VAT1L: variants seen among roughly 807,000 people sequenced by gnomAD.
VAT1L encodes the protein vesicle amine transport 1 like.
A neutral mutation model predicts 44.1 loss-of-function variants in VAT1L; 34 were observed. That is an observed-to-expected ratio of 0.77 (90% CI 0.59 to 1.03). The LOEUF is 1.03. Among genes scored for constraint, VAT1L ranks in the 50% least tolerant of loss-of-function variants. VAT1L has a pLI of 0.00. For synonymous variants in VAT1L, 253 were observed against 202.2 expected, an observed-to-expected ratio of 1.25 and a Z score of -2.13; for missense variants, 615 against 538.8, an observed-to-expected ratio of 1.14 and a Z score of -1.40.
At chr16:77,816,775 T>G (rs745722855) in intron 1 of VAT1L, 146 bp from the exon 2 acceptor site, 131 of 1,039,070 alleles carry the variant, frequency 1.3e-4, no homozygotes, top group Non-Finnish European at 1.6e-4. Flanking sequence ...TAGGGATACT[T>G]TGCCAAAAAG....
chr16:77,816,463 TTC>T (rs1432819887), intron 1 of VAT1L, among the ~76,000 whole-genome samples: 1 of 152,222 alleles, frequency 6.6e-6, no homozygotes, highest in Non-Finnish European at 1.5e-5. Flanking sequence ...TAGGTCTTCT[TTC>T]TCTTTCTCAG....
intron 2 of VAT1L, 69 bp from the exon 3 acceptor site, chr16:77,825,177 A>C: frequency 3.2e-6 from 5 of 1,563,870 alleles, no homozygotes; most frequent in Non-Finnish European, 4.4e-6. Context: ...AGCTCCCAGT[A>C]ATTCTGTTCT....
intron 3 of VAT1L, among the ~76,000 whole-genome samples, chr16:77,845,355 C>A (rs1431023275): frequency 6.6e-6 from 1 of 152,124 alleles, no homozygotes; most frequent in Non-Finnish European, 1.5e-5. Flanking sequence ...TGAGTGTGCT[C>A]TCCCCCTCTG....
At chr16:77,895,112 ACACACT>A (rs899939537) in intron 7 of VAT1L, among the ~76,000 whole-genome samples, 4 of 151,340 alleles carry the variant, frequency 2.6e-5, no homozygotes, top group Non-Finnish European at 4.4e-5. Context: ...ACACACACAC[ACACACT>A]CACACATTTC....
Position 77,879,590 on chromosome 16 carries a change from G to A in VAT1L, c.882+366G>A, listed in dbSNP as rs1412530891. Among the ~76,000 whole-genome samples the A allele has an allele frequency of 1.3e-5, 2 of 152,144 alleles. No individual in the cohort carries two copies. Among genetic ancestry groups the A allele is most frequent in the Admixed American group, 6.5e-5 (1 of 15,280 alleles). On this transcript the variant is annotated intron_variant, in intron 6 of 8. Coordinates refer to ENST00000302536, the MANE Select transcript of VAT1L (RefSeq NM_020927.3). This position sits in a 1 kb window ranked among gnomAD's most constrained non-coding sequence, Gnocchi z 4.1. ...CGTGAGCCACCGCACCCAGCTGTGA[G>A]CTCTTCTATCATAAGGCATTGACTT...
chr16:77,809,264 T>C (rs1007285571), intron 1 of VAT1L, among the ~76,000 whole-genome samples: 15 of 152,244 alleles, frequency 9.9e-5, no homozygotes, highest in Non-Finnish European at 1.9e-4. Context: ...CTCAACACCA[T>C]GCCTGATACA....
chr16:77,909,135 A>C (rs1435957595), intron 7 of VAT1L, among the ~76,000 whole-genome samples: 2 of 152,192 alleles, frequency 1.3e-5, no homozygotes, highest in Non-Finnish European at 2.9e-5. Context: ...TGAGAAGTAG[A>C]TGTTATTATT....
At chr16:77,847,489 A>G (rs2016769343) in intron 3 of VAT1L, among the ~76,000 whole-genome samples, 1 of 152,206 alleles carries the variant, frequency 6.6e-6, no homozygotes, top group African/African-American at 2.4e-5. Flanking sequence ...CCATGGGTGC[A>G]TTTCATTTTT....
At chr16:77,828,658 C>T (rs1464875241) in intron 3 of VAT1L, among the ~76,000 whole-genome samples, 5 of 150,856 alleles carry the variant, frequency 3.3e-5, no homozygotes, top group Non-Finnish European at 7.4e-5. Context: ...AGCAAAACTC[C>T]ATCTCAAAAA....
chr16:77,866,096 A>G (rs370616407), intron 4 of VAT1L, among the ~76,000 whole-genome samples: 2 of 152,210 alleles, frequency 1.3e-5, no homozygotes, highest in East Asian at 1.9e-4. Context: ...AGGAAGTTAC[A>G]GATACGTTTA....
At chr16:77,961,243 G>A (rs2018156694) in intron 7 of VAT1L, among the ~76,000 whole-genome samples, 1 of 152,046 alleles carries the variant, frequency 6.6e-6, no homozygotes, top group African/African-American at 2.4e-5. Flanking sequence ...AGGAGTTCCA[G>A]GCTGTCACCA....
chr16:77,808,143 G>A (rs761022526), intron 1 of VAT1L, among the ~76,000 whole-genome samples: 9 of 151,998 alleles, frequency 5.9e-5, no homozygotes, highest in Admixed American at 2.0e-4. Context: ...GCCACTACCC[G>A]TCACTCGCAT....
intron 7 of VAT1L, among the ~76,000 whole-genome samples, chr16:77,901,040 ATG>A (rs1202999067): frequency 6.6e-6 from 1 of 152,054 alleles, no homozygotes; most frequent in African/African-American, 2.4e-5. Context: ...CAAAAGGTGA[ATG>A]AGGACTGGAA....
At chr16:77,887,716 C>T (rs2017223680) in intron 7 of VAT1L, among the ~76,000 whole-genome samples, 1 of 152,220 alleles carries the variant, frequency 6.6e-6, no homozygotes, top group South Asian at 2.1e-4. Flanking sequence ...GCGTGCTTGA[C>T]TGAGTCATGC....
intron 2 of VAT1L, among the ~76,000 whole-genome samples, chr16:77,820,086 G>T (rs2966048): frequency 0.96 from 146,125 of 152,292 alleles, 70,125 homozygotes; most frequent in East Asian, 1. Flanking sequence ...CTTATATAAC[G>T]TTATGTTTCC....
chr16:77,852,936 A>G (rs1184151701), intron 3 of VAT1L, among the ~76,000 whole-genome samples: 1 of 152,168 alleles, frequency 6.6e-6, no homozygotes, highest in Non-Finnish European at 1.5e-5. Context: ...TGTGATGAGG[A>G]TCGAATGAGC....
At position 77,837,039 on chromosome 16, in the gene VAT1L, G is replaced by A. The variant is rs540962523; in HGVS notation, c.579+11578G>A. Among the ~76,000 whole-genome samples, 5 of 140,494 alleles carry A rather than the reference G, an allele frequency of 3.6e-5. No homozygotes were observed. In the South Asian group the frequency reaches 9.2e-4, roughly 26 times the overall value. The allele number at this position is 140,494 out of a possible 152,430, so 92.2% of individuals were successfully genotyped here. ...TTCCAGGTCACACAGCTTATAGAGA[G>A]GAAGAGCTGGCATGTGCACTCTCTT... On this transcript the variant is annotated intron_variant, in intron 3 of 8. Transcript: ENST00000302536.
chr16:77,809,757 T>A lies in VAT1L; in HGVS notation c.234-7164T>A, dbSNP rs145677211. On this transcript the variant is annotated intron_variant, in intron 1 of 8. Transcript: ENST00000302536. ...CTTTATCGAGTTTACTACATGTGACTTCAAGGTGTCTTGGAACTATTTCAT... is the reference window on the plus strand; with the variant it reads ...CTTTATCGAGTTTACTACATGTGACATCAAGGTGTCTTGGAACTATTTCAT... 3.0e-4 allele frequency among the ~76,000 whole-genome samples: 46 copies of A among 152,322 alleles called. 1 individual carries two copies. In the East Asian group the frequency reaches 6.6e-3, roughly 22 times the overall value.
At chr16:77,928,306 A>C (rs900819838) in intron 7 of VAT1L, among the ~76,000 whole-genome samples, 3 of 152,208 alleles carry the variant, frequency 2.0e-5, no homozygotes, top group African/African-American at 2.4e-5. Flanking sequence ...GAAAAATTAC[A>C]TAATTGCTTA....
Sources: allele counts gnomAD v4.1 joint callset (sites outside exome capture counted in the v4.1 genomes callset), GRCh38; gene constraint gnomAD v4.1.1; non-coding constraint Gnocchi (gnomAD v3.1); transcripts MANE v1.5; gene names NCBI Gene and HGNC (gene_info 2026-07-23, HGNC 2026-07-21).